The following NPSR1 variants were observed in gnomAD, a reference collection of about 807,000 sequenced individuals.
The protein encoded by NPSR1 is neuropeptide S receptor 1.
In NPSR1, 48 loss-of-function variants were observed where a neutral mutation model predicts 46.9. The observed-to-expected ratio is 1.02, with a 90% CI of 0.81 to 1.30. The LOEUF is 1.30. Ranked by LOEUF, NPSR1 falls within the 50% of genes most tolerant of loss-of-function variation. NPSR1 has a pLI of 0.00. For missense variants in NPSR1, 450 were observed against 449.5 expected, an observed-to-expected ratio of 1.00 and a Z score of -0.01; for synonymous variants, 176 against 168.1, an observed-to-expected ratio of 1.05 and a Z score of -0.36.
chr7:34,708,224 G>A (rs927601703), intron 2 of NPSR1, among the ~76,000 whole-genome samples: 1 of 152,174 alleles, frequency 6.6e-6, no homozygotes, highest in Non-Finnish European at 1.5e-5. Flanking sequence ...CACATGCAAA[G>A]AGATAAAATG....
Position 34,848,557 on chromosome 7 carries a change from G to C in NPSR1, c.919G>C (p.Glu307Gln), listed in dbSNP as rs760266431. The change falls in exon 8 of 9, where the codon GAG becomes CAG. Residue 307 changes from glutamate (E) to glutamine (Q), a missense_variant. Transcript: ENST00000360581. ...DNFNLLPDTQ[E>Q]RFYASVIIQN... ...TTTCAACCTCCTTCCAGACACCCAGGAGCGTTTCTATGCCTCTGTGATCAT... is the reference window on the plus strand; with the variant it reads ...TTTCAACCTCCTTCCAGACACCCAGCAGCGTTTCTATGCCTCTGTGATCAT... The C allele has an allele frequency of 1.2e-5, 20 of 1,614,016 alleles. No individual in the cohort carries two copies. Among genetic ancestry groups the C allele is most frequent in the Non-Finnish European group, 1.6e-5 (19 of 1,180,014 alleles).
chr7:34,803,164 C>G (rs1584056513), intron 3 of NPSR1, among the ~76,000 whole-genome samples: 10 of 150,426 alleles, frequency 6.6e-5, no homozygotes, highest in South Asian at 2.1e-4. Context: ...TGTGGCGATT[C>G]CTCAGGGATC....
chr7:34,747,449 A>G (rs1453432959), intron 2 of NPSR1, among the ~76,000 whole-genome samples: 1 of 152,228 alleles, frequency 6.6e-6, no homozygotes, highest in African/African-American at 2.4e-5. Context: ...CTGTGCAACA[A>G]GAGCCATGCC....
intron 2 of NPSR1, among the ~76,000 whole-genome samples, chr7:34,748,850 A>G (rs1785356284): frequency 6.6e-6 from 1 of 151,616 alleles, no homozygotes; most frequent in South Asian, 2.1e-4. Flanking sequence ...TCTGGGAGGC[A>G]TAGCATAGGC....
chr7:34,726,304 A>G (rs1051040383), intron 2 of NPSR1, among the ~76,000 whole-genome samples: 9 of 152,208 alleles, frequency 5.9e-5, no homozygotes, highest in Non-Finnish European at 1.3e-4. Flanking sequence ...TAAAGCAACA[A>G]TGACATAGCA....
intron 8 of NPSR1, 167 bp from the exon 9 acceptor site, chr7:34,849,398 G>A: frequency 6.4e-7 from 1 of 1,555,450 alleles, no homozygotes; most frequent in South Asian, 1.2e-5. Context: ...GTGAGAAGGA[G>A]AGCTGTGAGT....
At chr7:34,658,799 A>G (rs1275405281) in intron 1 of NPSR1, among the ~76,000 whole-genome samples, 1 of 152,188 alleles carries the variant, frequency 6.6e-6, no homozygotes, top group Non-Finnish European at 1.5e-5. Flanking sequence ...AAATGTGTGA[A>G]TCGTGAGTAA....
At chr7:34,782,043 G>A (rs1562722847) in intron 3 of NPSR1, among the ~76,000 whole-genome samples, 4 of 152,056 alleles carry the variant, frequency 2.6e-5, no homozygotes, top group Non-Finnish European at 5.9e-5. Context: ...CTGTGCCCTG[G>A]GCAACAGCTC....
chr7:34,685,289 G>T (rs919844006), intron 2 of NPSR1, among the ~76,000 whole-genome samples: 14 of 152,134 alleles, frequency 9.2e-5, no homozygotes, highest in African/African-American at 3.4e-4. Flanking sequence ...GGAAGAAAAT[G>T]ATCTGTGAAA....
At chr7:34,740,045 T>C (rs538082891) in intron 2 of NPSR1, among the ~76,000 whole-genome samples, 1 of 152,186 alleles carries the variant, frequency 6.6e-6, no homozygotes, top group Admixed American at 6.5e-5. Flanking sequence ...GCTAAGCATG[T>C]CTGAGCTCAG....
intron 2 of NPSR1, among the ~76,000 whole-genome samples, chr7:34,689,554 G>T (rs1485818117): frequency 4.1e-5 from 5 of 121,954 alleles, no homozygotes; most frequent in Non-Finnish European, 4.8e-5. Flanking sequence ...GCAGTGAGCC[G>T]AGATTGTGCC....
intron 2 of NPSR1, among the ~76,000 whole-genome samples, chr7:34,744,751 C>T (rs1785119549): frequency 6.6e-6 from 1 of 152,164 alleles, no homozygotes; most frequent in African/African-American, 2.4e-5. Context: ...AAAGCTATGA[C>T]ATTGTTTGAC....
chr7:34,751,540 C>T (rs1583945481), intron 2 of NPSR1: 2 of 1,576,962 alleles, frequency 1.3e-6, no homozygotes, highest in Non-Finnish European at 1.7e-6. Flanking sequence ...GGTCTCGAAA[C>T]TTGTATTCTT....
Position 34,827,428 on chromosome 7 carries a change from T to A in NPSR1, c.506T>A (p.Ile169Asn), listed in dbSNP as rs772930017. Residue 169 changes from isoleucine (I) to asparagine (N), a missense_variant, in exon 5 of 9, where the codon ATC (isoleucine) becomes AAC (asparagine). Coordinates refer to ENST00000360581, the MANE Select transcript of NPSR1 (RefSeq NM_207172.2). ...GEKQARVLIV[I>N]AWSLSFLFSI... The stretch of plus-strand genomic sequence containing the variant: ...AAGCAAGCCAGGGTCCTCATTGTGA[T>A]CGCCTGGAGCCTGTCTTTTCTGTTC... 35 of 1,614,008 alleles carry A rather than the reference T, an allele frequency of 2.2e-5. No individual in the cohort carries two copies. The highest frequency in any genetic ancestry group is 1.9e-5 in the Non-Finnish European group (23 of 1,180,010).
At chr7:34,823,858 A>G (rs1057488254) in intron 4 of NPSR1, among the ~76,000 whole-genome samples, 2 of 152,168 alleles carry the variant, frequency 1.3e-5, no homozygotes, top group Non-Finnish European at 2.9e-5. Flanking sequence ...CAGAGGGCTC[A>G]TTTTGCTGGC....
intron 8 of NPSR1, among the ~76,000 whole-genome samples, chr7:34,875,908 A>C (rs554868436): frequency 5.9e-5 from 9 of 152,124 alleles, no homozygotes; most frequent in South Asian, 2.1e-4. Flanking sequence ...TGAAAGCCCT[A>C]TTATAATGGC....
intron 3 of NPSR1, among the ~76,000 whole-genome samples, chr7:34,797,911 G>A (rs916992153): frequency 3.9e-5 from 6 of 152,070 alleles, no homozygotes; most frequent in Admixed American, 6.5e-5. Flanking sequence ...CCCTGACCTA[G>A]AATTCTCTAT....
intron 3 of NPSR1, among the ~76,000 whole-genome samples, chr7:34,801,934 G>C (rs563098851): frequency 6.7e-6 from 1 of 149,978 alleles, no homozygotes; most frequent in Admixed American, 6.6e-5. Flanking sequence ...GACAATCAGA[G>C]AGCCAAATCA....
intron 2 of NPSR1, chr7:34,750,995 A>G (rs1785493023): frequency 1.3e-6 from 1 of 769,782 alleles, no homozygotes; most frequent in Non-Finnish European, 2.4e-6. Flanking sequence ...GGAAGAGCTC[A>G]TTGAAGAACT....
Sources: gnomAD v4.1 joint callset for allele counts (sites outside exome capture counted in the v4.1 genomes callset) on GRCh38, gnomAD v4.1.1 for gene constraint, MANE v1.5 for transcripts, NCBI Gene and HGNC (gene_info 2026-07-23, HGNC 2026-07-21) for gene names.